Variants in MACROD2 observed in about 807,000 individuals in gnomAD.
The protein encoded by MACROD2 is ADP-ribose glycohydrolase MACROD2.
A neutral mutation model predicts 70.4 loss-of-function variants in MACROD2; 36 were observed. The ratio of observed to expected loss-of-function variants is 0.51; its 90% CI spans 0.39 to 0.68. The LOEUF (loss-of-function observed/expected upper bound fraction) is 0.68. Among genes scored for constraint, MACROD2 ranks in the 30% least tolerant of loss-of-function variants. The pLI is 0.00. For missense variants in MACROD2, 496 were observed against 538.4 expected, an observed-to-expected ratio of 0.92 and a Z score of 0.78; for synonymous variants, 172 against 178.8, an observed-to-expected ratio of 0.96 and a Z score of 0.30.
chr20:15,012,989 G>A (rs558905312), intron 5 of MACROD2, among the ~76,000 whole-genome samples: 43 of 152,264 alleles, frequency 2.8e-4, no homozygotes, highest in Non-Finnish European at 5.4e-4. Context: ...ACAAACCAGC[G>A]TTACAGGGAG....
intron 9 of MACROD2, among the ~76,000 whole-genome samples, chr20:15,876,320 G>C (rs1037947581): frequency 6.6e-6 from 1 of 151,654 alleles, no homozygotes; most frequent in Non-Finnish European, 1.5e-5. Flanking sequence ...GTGTCCAAGT[G>C]TTCTCATTGT....
intron 5 of MACROD2, among the ~76,000 whole-genome samples, chr20:14,841,555 C>A (rs2122275186): frequency 6.6e-6 from 1 of 152,056 alleles, no homozygotes; most frequent in South Asian, 2.1e-4. Flanking sequence ...GAAAGGCAGC[C>A]CTTGCCACAT....
chr20:15,142,401 A>T (rs1367583139), intron 5 of MACROD2, among the ~76,000 whole-genome samples: 2 of 152,226 alleles, frequency 1.3e-5, no homozygotes, highest in African/African-American at 2.4e-5. Flanking sequence ...TATCATTTAA[A>T]AGAAAAATAT....
At chr20:14,828,517 A>G (rs1159391705) in intron 5 of MACROD2, among the ~76,000 whole-genome samples, 1 of 152,104 alleles carries the variant, frequency 6.6e-6, no homozygotes, top group African/African-American at 2.4e-5. Context: ...TGCAAGACCC[A>G]AGAGACAGCA....
At chr20:14,151,155 A>G (rs1043694977) in intron 3 of MACROD2, among the ~76,000 whole-genome samples, 5 of 152,168 alleles carry the variant, frequency 3.3e-5, no homozygotes, top group African/African-American at 1.2e-4. Flanking sequence ...ATCATTTGAG[A>G]TGTTTTTGGT....
rs1452496669 is a variant in MACROD2 at position 14,838,458 on chromosome 20, G to A, written c.418+153499G>A. Among the ~76,000 whole-genome samples the A allele has an allele frequency of 1.3e-5, 2 of 152,020 alleles. 1 individual carries two copies. Among genetic ancestry groups the A allele is most frequent in the Non-Finnish European group, 2.9e-5 (2 of 67,982 alleles). On this transcript the variant is annotated intron_variant, in intron 5 of 17. Coordinates refer to ENST00000684519, the MANE Select transcript of MACROD2 (RefSeq NM_001351661.2). ...ATCTTGTGTTAGTTGACTAATTCTT[G>A]TCCTCATTATTAATGTTCTGCAGCA...
intron 5 of MACROD2, among the ~76,000 whole-genome samples, chr20:15,135,302 G>T (rs890644373): frequency 6.6e-6 from 1 of 151,520 alleles, no homozygotes; most frequent in Non-Finnish European, 1.5e-5. Flanking sequence ...GAACATTGAT[G>T]CAAAAATCCT....
Position 15,967,537 on chromosome 20 carries a change from G to T in MACROD2, c.908-16G>T. On this transcript the variant is annotated splice_polypyrimidine_tract_variant and intron_variant, in intron 12 of 17. Transcript: ENST00000684519. ...GTTAAAAATGCTGACCAAAGGTTTT[G>T]CTTGTTTGTTGTTAGATTTTGCAAA... is the stretch of plus-strand genomic sequence containing the variant. 2 of 1,605,630 alleles carry T rather than the reference G, an allele frequency of 1.2e-6. No individual in the cohort carries two copies. The highest frequency in any genetic ancestry group is 1.7e-6 in the Non-Finnish European group (2 of 1,176,404).
chr20:14,144,861 T>C (rs1437114548), intron 3 of MACROD2, among the ~76,000 whole-genome samples: 1 of 152,112 alleles, frequency 6.6e-6, no homozygotes, highest in Non-Finnish European at 1.5e-5. Flanking sequence ...CTGTATGAAG[T>C]TTTTCACCTC....
chr20:15,280,086 T>G (rs7274764), intron 6 of MACROD2, among the ~76,000 whole-genome samples: 4,318 of 152,294 alleles, frequency 0.028, 207 homozygotes, highest in African/African-American at 0.098. Context: ...CTAACTCAGT[T>G]TAATAAAATG....
chr20:15,676,032 A>G (rs1481544362), intron 8 of MACROD2, among the ~76,000 whole-genome samples: 2 of 152,238 alleles, frequency 1.3e-5, no homozygotes, highest in African/African-American at 4.8e-5. Context: ...TACAGATGTT[A>G]TACAATGAAG....
intron 2 of MACROD2, among the ~76,000 whole-genome samples, chr20:14,007,408 C>T (rs538329700): frequency 6.6e-6 from 1 of 152,122 alleles, no homozygotes; most frequent in Non-Finnish European, 1.5e-5. Flanking sequence ...CTCCCTCTTC[C>T]TCCCTCTCAA....
chr20:14,706,971 T>C (rs2071277293), intron 5 of MACROD2, among the ~76,000 whole-genome samples: 1 of 152,196 alleles, frequency 6.6e-6, no homozygotes, highest in South Asian at 2.1e-4. Context: ...AGCTCAAATT[T>C]AGATCCAAGG....
intron 6 of MACROD2, among the ~76,000 whole-genome samples, chr20:15,336,374 CAAA>C (rs375025202): frequency 9.5e-6 from 1 of 104,792 alleles, no homozygotes. Context: ...GTGTTTTAAC[CAAA>C]AAAAAAAAAG....
intron 5 of MACROD2, among the ~76,000 whole-genome samples, chr20:14,908,423 G>A (rs944420869): frequency 2.0e-5 from 3 of 152,146 alleles, no homozygotes; most frequent in African/African-American, 7.2e-5. Flanking sequence ...GGGAGGCCGA[G>A]GTGGGCAGAT....
intron 5 of MACROD2, among the ~76,000 whole-genome samples, chr20:14,790,071 A>C (rs1053142714): frequency 1.3e-5 from 2 of 152,146 alleles, no homozygotes; most frequent in Non-Finnish European, 2.9e-5. Flanking sequence ...TAATATGTAA[A>C]TAATAAAACC....
chr20:15,991,600 T>C (rs895276676), intron 15 of MACROD2, among the ~76,000 whole-genome samples: 4 of 152,256 alleles, frequency 2.6e-5, no homozygotes, highest in Admixed American at 6.5e-5. Context: ...TTTTGATTCA[T>C]GCAAAATACT....
At chr20:15,693,892 A>G (rs1600768609) in intron 8 of MACROD2, among the ~76,000 whole-genome samples, 1 of 138,372 alleles carries the variant, frequency 7.2e-6, no homozygotes, top group Admixed American at 7.2e-5. Flanking sequence ...CGAGTCCCCA[A>G]AGTCCACTGC....
chr20:15,344,318 T>A (rs1325179933), intron 6 of MACROD2, among the ~76,000 whole-genome samples: 2 of 152,166 alleles, frequency 1.3e-5, no homozygotes, highest in Non-Finnish European at 2.9e-5. Context: ...GATTAGACCA[T>A]CCCAACTGAG....
Sources: allele counts gnomAD v4.1 joint callset (sites outside exome capture counted in the v4.1 genomes callset), GRCh38; gene constraint gnomAD v4.1.1; transcripts MANE v1.5; gene names NCBI Gene and HGNC (gene_info 2026-07-23, HGNC 2026-07-21).